HERC3: variants seen among roughly 807,000 people sequenced by gnomAD.
HERC3 encodes the protein probable E3 ubiquitin-protein ligase HERC3.
Under a neutral mutation model 129.9 loss-of-function variants are expected in HERC3, and 58 were observed. The ratio of observed to expected loss-of-function variants is 0.45; its 90% CI spans 0.36 to 0.56. The LOEUF (loss-of-function observed/expected upper bound fraction) is 0.56, where lower values mean the gene tolerates loss of function less well. HERC3 is among the 20% of genes least tolerant of loss of function. The pLI, the probability that HERC3 is intolerant of heterozygous loss-of-function variation, is 0.00. For missense variants in HERC3, 835 were observed against 1,244.2 expected (o/e 0.67, Z 4.95); for synonymous variants, 430 against 451.0 (o/e 0.95, Z 0.59).
intron 3 of HERC3, among the ~76,000 whole-genome samples, chr4:88,636,976 A>G (rs1727482790): frequency 6.6e-6 from 1 of 152,154 alleles, no homozygotes; most frequent in Non-Finnish European, 1.5e-5. Context: ...CTAAAATACA[A>G]AAATTAGCCA....
chr4:88,687,859 A>T (rs994941729), intron 23 of HERC3, among the ~76,000 whole-genome samples: 4 of 152,218 alleles, frequency 2.6e-5, no homozygotes, highest in African/African-American at 9.7e-5. Context: ...ATTTTTCAGG[A>T]TGATTCATAA....
chr4:88,625,470 A>G (rs962676940), intron 3 of HERC3, among the ~76,000 whole-genome samples: 2 of 152,000 alleles, frequency 1.3e-5, no homozygotes, highest in African/African-American at 4.8e-5. Flanking sequence ...ACAATCTTTA[A>G]TTTCTAGTAT....
At chr4:88,577,617 A>ATATATATATATATATATAT in the HERC3 span, among the ~76,000 whole-genome samples, 3 of 149,774 alleles carry the variant, frequency 2.0e-5, no homozygotes, top group Admixed American at 6.6e-5. Context: ...ATATATATAT[A>ATATATATATATATATATAT]ATAGGTTTGT....
chr4:88,554,556 C>T, the HERC3 span, among the ~76,000 whole-genome samples: 1 of 151,976 alleles, frequency 6.6e-6, no homozygotes, highest in Non-Finnish European at 1.5e-5. Context: ...CATAGGTAGC[C>T]CACAGTTTTT....
intron 19 of HERC3, among the ~76,000 whole-genome samples, chr4:88,678,917 T>C (rs931895135): frequency 6.6e-6 from 1 of 152,194 alleles, no homozygotes; most frequent in African/African-American, 2.4e-5. Context: ...CAGCTTTTCT[T>C]TTTGCCCTGT....
intron 3 of HERC3, among the ~76,000 whole-genome samples, chr4:88,620,232 T>C (rs1327368869): frequency 6.6e-6 from 1 of 152,236 alleles, no homozygotes; most frequent in Admixed American, 6.5e-5. Flanking sequence ...GTAGCATCTT[T>C]ATACTGTTGA....
chr4:88,702,198 A>G (rs1451150493), intron 23 of HERC3, among the ~76,000 whole-genome samples: 1 of 152,196 alleles, frequency 6.6e-6, no homozygotes, highest in Non-Finnish European at 1.5e-5. Flanking sequence ...GCAAAATCTC[A>G]TATCCATAAA....
In HERC3 at chr4:88,638,309, A is replaced by G. The variant is rs1001948289; in HGVS notation, c.227-11531A>G. On this transcript the variant is annotated intron_variant, in intron 3 of 25. Transcript: ENST00000402738. ...ACAAAAAAAAGAAAATTTCAGGCCAATATCCTTGATGAACATCAGTGTGAA... is the reference window on the plus strand; with the variant it reads ...ACAAAAAAAAGAAAATTTCAGGCCAGTATCCTTGATGAACATCAGTGTGAA... 5.1e-4 allele frequency among the ~76,000 whole-genome samples: 78 copies of G among 152,374 alleles called. 1 individual carries two copies. Among genetic ancestry groups the G allele is most frequent in the Admixed American group, 5.0e-3 (77 of 15,306 alleles).
upstream of HERC3, among the ~76,000 whole-genome samples, chr4:88,588,863 C>T (rs1721592939): frequency 5.3e-5 from 8 of 152,188 alleles, no homozygotes; most frequent in Admixed American, 5.2e-4. Flanking sequence ...GGCACCATCC[C>T]CTTGCCACTG....
chr4:88,612,066 T>A (rs1328290305), intron 3 of HERC3, among the ~76,000 whole-genome samples: 1 of 152,192 alleles, frequency 6.6e-6, no homozygotes, highest in Non-Finnish European at 1.5e-5. Context: ...CTGGTTCAGC[T>A]GCAAGGCACA....
chr4:88,697,658 G>C (rs568186870), intron 23 of HERC3: 2 of 1,613,218 alleles, frequency 1.2e-6, no homozygotes, highest in Admixed American at 1.7e-5. Flanking sequence ...TCTCCACCCT[G>C]CGCACCGCCT....
the HERC3 span, among the ~76,000 whole-genome samples, chr4:88,539,013 A>T: frequency 2.6e-5 from 4 of 152,290 alleles, no homozygotes; most frequent in South Asian, 6.2e-4. Flanking sequence ...GATGCAGAAG[A>T]CAGGTGATTT....
At chr4:88,634,207 G>A (rs150219144) in intron 3 of HERC3, among the ~76,000 whole-genome samples, 18 of 152,268 alleles carry the variant, frequency 1.2e-4, no homozygotes, top group Non-Finnish European at 1.9e-4. Context: ...CTTTTTCCAC[G>A]GAACTGTGCA....
intron 23 of HERC3, among the ~76,000 whole-genome samples, chr4:88,702,130 A>G (rs1415184102): frequency 6.6e-6 from 1 of 152,216 alleles, no homozygotes; most frequent in Non-Finnish European, 1.5e-5. Flanking sequence ...CTTTGTTTTT[A>G]AAAATGAACA....
intron 10 of HERC3, among the ~76,000 whole-genome samples, chr4:88,660,908 GATTCAAAGTCC>G (rs1730428745): frequency 6.6e-6 from 1 of 152,178 alleles, no homozygotes; most frequent in African/African-American, 2.4e-5. Context: ...CTCCCATGGT[GATTCAAAGTCC>G]AGCCAAAGTT....
chr4:88,545,000 T>G, the HERC3 span, among the ~76,000 whole-genome samples: 1 of 152,138 alleles, frequency 6.6e-6, no homozygotes. Context: ...TGTATACCTA[T>G]GTAACAAACC....
At chr4:88,562,262 C>A in the HERC3 span, among the ~76,000 whole-genome samples, 1 of 152,052 alleles carries the variant, frequency 6.6e-6, no homozygotes, top group African/African-American at 2.4e-5. Flanking sequence ...TGTTGAGCAC[C>A]TTTTCATATA....
intron 11 of HERC3, among the ~76,000 whole-genome samples, chr4:88,663,122 A>G (rs560771589): frequency 8.3e-4 from 126 of 152,228 alleles, no homozygotes; most frequent in Non-Finnish European, 3.7e-4. Context: ...TTTTTTCTGC[A>G]AAGTCTGATT....
the HERC3 span, among the ~76,000 whole-genome samples, chr4:88,584,379 C>T: frequency 1.6e-4 from 25 of 152,146 alleles, 1 homozygote; most frequent in African/African-American, 6.0e-4. Flanking sequence ...TTAATTAGAA[C>T]ACAGCTAACA....
Sources: gnomAD v4.1 joint callset for allele counts (sites outside exome capture counted in the v4.1 genomes callset) on GRCh38, gnomAD v4.1.1 for gene constraint, MANE v1.5 for transcripts, NCBI Gene and HGNC (gene_info 2026-07-23, HGNC 2026-07-21) for gene names.